Variants in MAP2K5 observed in about 807,000 individuals in gnomAD.
MAP2K5 encodes dual specificity mitogen-activated protein kinase kinase 5.
In MAP2K5, 49 loss-of-function variants were observed where a neutral mutation model predicts 83.1. The ratio of observed to expected loss-of-function variants is 0.59; its 90% CI spans 0.47 to 0.75. The LOEUF (loss-of-function observed/expected upper bound fraction) is 0.75. MAP2K5 is among the 30% of genes least tolerant of loss of function. MAP2K5 has a pLI of 0.00. For synonymous variants in MAP2K5, 202 were observed against 191.8 expected (o/e 1.05, Z -0.44); for missense variants, 457 against 557.5 (o/e 0.82, Z 1.82).
At chr15:67,600,395 T>A (rs2085628823) in intron 7 of MAP2K5, among the ~76,000 whole-genome samples, 1 of 152,208 alleles carries the variant, frequency 6.6e-6, no homozygotes, top group Non-Finnish European at 1.5e-5. Context: ...CTTATCAGTA[T>A]CTCTGACCTG....
At chr15:67,742,547 A>G (rs1404836057) in intron 17 of MAP2K5, among the ~76,000 whole-genome samples, 2 of 152,162 alleles carry the variant, frequency 1.3e-5, no homozygotes, top group Admixed American at 6.5e-5. Flanking sequence ...TCCACACACA[A>G]TTAATATTCT....
At chr15:67,666,202 A>T (rs2087374445) in intron 13 of MAP2K5, among the ~76,000 whole-genome samples, 3 of 152,196 alleles carry the variant, frequency 2.0e-5, no homozygotes. Flanking sequence ...TCTGGCTTGT[A>T]ATGAAATCCC....
rs554864616 is a variant in MAP2K5, at chr15:67,721,087, C to T, written c.1045-6829C>T. Reference sequence around the variant, plus strand: ...GTTTAAGTGTCTACTGTAATAAGCCCATTTCTTTTTATTTTTTTAAAAACG... The same window carrying T: ...GTTTAAGTGTCTACTGTAATAAGCCTATTTCTTTTTATTTTTTTAAAAACG... On this transcript the variant is annotated intron_variant, in intron 16 of 21. Coordinates refer to ENST00000178640, the MANE Select transcript of MAP2K5 (RefSeq NM_145160.3). Among the ~76,000 whole-genome samples the T allele has an allele frequency of 7.2e-5, 11 of 152,142 alleles. 1 individual carries two copies. In the South Asian group the frequency reaches 1.9e-3, roughly 26 times the overall value.
chr15:67,719,979 A>G lies in MAP2K5; in HGVS notation c.1045-7937A>G, dbSNP rs190030625. 5.4e-3 allele frequency among the ~76,000 whole-genome samples: 829 copies of G among 152,246 alleles called. 11 individuals carry two copies. Among genetic ancestry groups the G allele is most frequent in the African/African-American group, 0.019 (780 of 41,528 alleles). On this transcript the variant is annotated intron_variant, in intron 16 of 21. Transcript: ENST00000178640. This position sits in a 1 kb window ranked among gnomAD's most constrained non-coding sequence, Gnocchi z 4.6. ...TTTAGAGATTTAGTTATATACCCAGATATTTTCATTAGTATTCTGTGAGTA... is the reference window on the plus strand; with the variant it reads ...TTTAGAGATTTAGTTATATACCCAGGTATTTTCATTAGTATTCTGTGAGTA...
chr15:67,741,027 CA>C (rs34516294), intron 17 of MAP2K5, among the ~76,000 whole-genome samples: 11,551 of 63,160 alleles, frequency 0.18, 317 homozygotes, highest in South Asian at 0.27. Flanking sequence ...GACTCCGTCT[CA>C]AAAAAAAAAA....
At chr15:67,667,471 CAG>C (rs1314859072) in intron 13 of MAP2K5, among the ~76,000 whole-genome samples, 28 of 152,076 alleles carry the variant, frequency 1.8e-4, no homozygotes, top group Admixed American at 1.6e-3. Context: ...AAATCAAAAA[CAG>C]GGGTCCTTCT....
At chr15:67,680,426 T>C (rs1459838739) in intron 13 of MAP2K5, among the ~76,000 whole-genome samples, 2 of 152,214 alleles carry the variant, frequency 1.3e-5, no homozygotes, top group East Asian at 3.8e-4. Context: ...GAAATAATTA[T>C]TTTACCATTG....
rs1189513714 is a variant in MAP2K5, at chr15:67,722,125, C to G, written c.1045-5791C>G. Among the ~76,000 whole-genome samples the G allele has an allele frequency of 2.0e-5, 3 of 152,188 alleles. No individual in the cohort carries two copies. Among genetic ancestry groups the G allele is most frequent in the African/African-American group, 7.2e-5 (3 of 41,450 alleles). ...TGGTGTTAGTAATAATCCTCTTCCT[C>G]ATAGTTCTAGACATGAACAAATATG... On this transcript the variant is annotated intron_variant, in intron 16 of 21. Coordinates refer to ENST00000178640, the MANE Select transcript of MAP2K5 (RefSeq NM_145160.3). The surrounding 1 kb of genome is among the most constrained non-coding windows in gnomAD (Gnocchi z 4.2).
chr15:67,549,158 A>C (rs757318781), intron 1 of MAP2K5: 2 of 1,535,670 alleles, frequency 1.3e-6, no homozygotes. Context: ...TGAGGTTTGC[A>C]GGCCATTGGA....
At chr15:67,599,985 A>G (rs549053191) in intron 7 of MAP2K5, among the ~76,000 whole-genome samples, 2 of 141,660 alleles carry the variant, frequency 1.4e-5, no homozygotes, top group Non-Finnish European at 3.1e-5. Flanking sequence ...ACCTTGAAAA[A>G]CATGCAAACT....
chr15:67,797,929 C>G (rs1025978916), intron 21 of MAP2K5, among the ~76,000 whole-genome samples: 20 of 152,270 alleles, frequency 1.3e-4, no homozygotes, highest in South Asian at 4.1e-4. Flanking sequence ...GTGATCCACC[C>G]GCTTCAGCCT....
chr15:67,657,853 C>T (rs1232349320), intron 11 of MAP2K5, among the ~76,000 whole-genome samples: 5 of 151,912 alleles, frequency 3.3e-5, no homozygotes, highest in African/African-American at 9.7e-5. Context: ...GAAAATTTGA[C>T]ATATGAAAAT....
chr15:67,602,537 T>A (rs752195158), intron 8 of MAP2K5, among the ~76,000 whole-genome samples: 1 of 152,236 alleles, frequency 6.6e-6, no homozygotes, highest in Non-Finnish European at 1.5e-5. Context: ...TTTATTTTCC[T>A]AGCTTATTTC....
intron 3 of MAP2K5, among the ~76,000 whole-genome samples, chr15:67,571,911 G>A (rs964223946): frequency 2.6e-5 from 4 of 152,078 alleles, no homozygotes; most frequent in African/African-American, 7.2e-5. Flanking sequence ...TGCAGTGAGC[G>A]TACAGTTCAT....
intron 9 of MAP2K5, among the ~76,000 whole-genome samples, chr15:67,639,280 C>G (rs1273725922): frequency 2.6e-5 from 4 of 152,218 alleles, no homozygotes; most frequent in Non-Finnish European, 1.5e-5. Flanking sequence ...AATCCAGATG[C>G]TTGGCTTCTT....
At chr15:67,648,796 G>C (rs530807500) in intron 11 of MAP2K5, among the ~76,000 whole-genome samples, 1 of 152,166 alleles carries the variant, frequency 6.6e-6, no homozygotes, top group South Asian at 2.1e-4. Context: ...TGTTAGGATG[G>C]TCTCGATCTC....
chr15:67,667,812 G>A (rs1373841129), intron 13 of MAP2K5, among the ~76,000 whole-genome samples: 1 of 152,170 alleles, frequency 6.6e-6, no homozygotes, highest in Non-Finnish European at 1.5e-5. Context: ...TATAGAAAGT[G>A]TATAAATAAG....
At chr15:67,701,850 C>G (rs2088427905) in intron 15 of MAP2K5, among the ~76,000 whole-genome samples, 1 of 152,202 alleles carries the variant, frequency 6.6e-6, no homozygotes, top group Non-Finnish European at 1.5e-5. Flanking sequence ...GCTCTTCTGA[C>G]TTCTAGTTGT....
chr15:67,549,953 C>T (rs1263974326), intron 1 of MAP2K5, 81 bp from the exon 2 acceptor site: 4 of 1,010,204 alleles, frequency 4.0e-6, no homozygotes, highest in Non-Finnish European at 4.7e-6. Context: ...TTCCCAGGTT[C>T]TCATATTTCC....
Sources: gnomAD v4.1 joint callset for allele counts (sites outside exome capture counted in the v4.1 genomes callset) on GRCh38, gnomAD v4.1.1 for gene constraint, Gnocchi (gnomAD v3.1) non-coding constraint, MANE v1.5 for transcripts, NCBI Gene and HGNC (gene_info 2026-07-23, HGNC 2026-07-21) for gene names.